The following RAB3C variants were observed in gnomAD, a reference collection of about 807,000 sequenced individuals.
The protein encoded by RAB3C is ras-related protein Rab-3C.
In RAB3C, 17 loss-of-function variants were observed where a neutral mutation model predicts 26.4. The observed-to-expected ratio is 0.64, with a 90% confidence interval of 0.44 to 0.97. The LOEUF (loss-of-function observed/expected upper bound fraction) is 0.97, where lower values mean the gene tolerates loss of function less well. RAB3C is among the 50% of genes least tolerant of loss of function. RAB3C has a pLI of 0.00. For missense variants in RAB3C, 242 were observed against 281.9 expected (o/e 0.86, Z 1.01); for synonymous variants, 91 against 95.9 (o/e 0.95, Z 0.30).
chr5:58,820,200 C>G (rs1233021234), intron 3 of RAB3C, among the ~76,000 whole-genome samples: 3 of 147,068 alleles, frequency 2.0e-5, no homozygotes, highest in Non-Finnish European at 4.5e-5. Context: ...ATGCACTAAG[C>G]ACTGAAACTT....
At position 58,713,307 on chromosome 5, in the gene RAB3C, T is replaced by A. The variant is rs569595702; in HGVS notation, c.253-12695T>A. On this transcript the variant is annotated intron_variant, in intron 2 of 4. Transcript: ENST00000282878. Reference sequence around the variant, plus strand: ...AGCAATGCAGGAACCATTTTTACCATCTTTTGAAATTTTTCAAAACAAATT... The same window carrying A: ...AGCAATGCAGGAACCATTTTTACCAACTTTTGAAATTTTTCAAAACAAATT... 6.2e-4 allele frequency among the ~76,000 whole-genome samples: 95 copies of A among 152,308 alleles called. 1 individual carries two copies. The highest frequency in any genetic ancestry group is 2.2e-3 in the African/African-American group (92 of 41,574).
At chr5:58,696,401 C>T (rs114663664) in intron 2 of RAB3C, among the ~76,000 whole-genome samples, 2,329 of 152,202 alleles carry the variant, frequency 0.015, 55 homozygotes, top group African/African-American at 0.053. Flanking sequence ...TGTTGTATCT[C>T]TGCCAGACCT....
intron 3 of RAB3C, among the ~76,000 whole-genome samples, chr5:58,733,654 G>C (rs142222227): frequency 1.1e-3 from 160 of 152,296 alleles, no homozygotes; most frequent in African/African-American, 3.6e-3. Flanking sequence ...ATTTGTTAAA[G>C]AGATAGGTCC....
intron 2 of RAB3C, among the ~76,000 whole-genome samples, chr5:58,680,013 A>G (rs973445880): frequency 3.9e-5 from 6 of 152,298 alleles, no homozygotes; most frequent in African/African-American, 1.2e-4. Context: ...CCATCTGTAT[A>G]TTTTAAATGA....
At chr5:58,754,560 C>T (rs1465198952) in intron 3 of RAB3C, among the ~76,000 whole-genome samples, 1 of 152,104 alleles carries the variant, frequency 6.6e-6, no homozygotes, top group East Asian at 1.9e-4. Context: ...AGGCAACATC[C>T]ACTCCCCAAC....
intron 2 of RAB3C, among the ~76,000 whole-genome samples, chr5:58,710,839 C>T (rs1749043503): frequency 6.6e-6 from 1 of 152,098 alleles, no homozygotes; most frequent in South Asian, 2.1e-4. Context: ...TCTCTAGCAT[C>T]TGATTTCTAC....
intron 2 of RAB3C, 145 bp downstream of exon 2, chr5:58,618,015 C>G: frequency 1.6e-6 from 1 of 611,558 alleles, no homozygotes; most frequent in South Asian, 2.1e-5. Flanking sequence ...CATTCTGTTT[C>G]AAAGAAAGTA....
At chr5:58,812,559 G>C (rs985869841) in intron 3 of RAB3C, among the ~76,000 whole-genome samples, 2 of 152,194 alleles carry the variant, frequency 1.3e-5, no homozygotes, top group African/African-American at 4.8e-5. Flanking sequence ...CAAGGTCTTG[G>C]TGTGGCCCAG....
At chr5:58,757,883 T>C (rs1741707887) in intron 3 of RAB3C, among the ~76,000 whole-genome samples, 1 of 152,076 alleles carries the variant, frequency 6.6e-6, no homozygotes, top group Admixed American at 6.6e-5. Flanking sequence ...GCTCTCAGAA[T>C]TCTACTTCAA....
chr5:58,681,324 A>G (rs561469926), intron 2 of RAB3C, among the ~76,000 whole-genome samples: 12 of 152,210 alleles, frequency 7.9e-5, no homozygotes, highest in East Asian at 3.8e-4. Flanking sequence ...GATATTGCCA[A>G]TGTGAAGATC....
chr5:58,846,159 A>C (rs1743996797), intron 4 of RAB3C, among the ~76,000 whole-genome samples: 1 of 152,144 alleles, frequency 6.6e-6, no homozygotes, highest in South Asian at 2.1e-4. Context: ...GTTTATGTAT[A>C]ACACATTTTG....
At chr5:58,627,471 T>TAAAAAAAAAA (rs58104232) in intron 2 of RAB3C, among the ~76,000 whole-genome samples, 2 of 68,422 alleles carry the variant, frequency 2.9e-5, no homozygotes, top group African/African-American at 4.8e-5. Flanking sequence ...GACTCCGTCT[T>TAAAAAAAAAA]AAAAAAAAAA....
intron 2 of RAB3C, among the ~76,000 whole-genome samples, chr5:58,658,910 A>C (rs1747839227): frequency 1.3e-5 from 2 of 152,200 alleles, no homozygotes; most frequent in African/African-American, 4.8e-5. Flanking sequence ...TAGACTCAGA[A>C]CTGGAACATT....
chr5:58,675,363 A>G (rs1321891251), intron 2 of RAB3C, among the ~76,000 whole-genome samples: 1 of 151,992 alleles, frequency 6.6e-6, no homozygotes, highest in Non-Finnish European at 1.5e-5. Flanking sequence ...CTTAACTCCT[A>G]TGTCTGCAAG....
At chr5:58,671,127 C>T (rs185583656) in intron 2 of RAB3C, among the ~76,000 whole-genome samples, 1 of 152,246 alleles carries the variant, frequency 6.6e-6, no homozygotes. Context: ...ATCATCATGG[C>T]TGATGATTGA....
intron 2 of RAB3C, among the ~76,000 whole-genome samples, chr5:58,677,239 C>T (rs1156537337): frequency 6.6e-6 from 1 of 152,176 alleles, no homozygotes; most frequent in Non-Finnish European, 1.5e-5. Flanking sequence ...TCTAACTTAA[C>T]AAATTATATT....
At chr5:58,657,343 C>T (rs1283518025) in intron 2 of RAB3C, among the ~76,000 whole-genome samples, 1 of 151,058 alleles carries the variant, frequency 6.6e-6, no homozygotes, top group African/African-American at 2.4e-5. Flanking sequence ...CACTAAAGAA[C>T]TTACTTATGT....
intron 2 of RAB3C, among the ~76,000 whole-genome samples, chr5:58,701,145 G>A (rs1833613): frequency 5.9e-5 from 9 of 151,540 alleles, no homozygotes; most frequent in African/African-American, 2.2e-4. Context: ...GCAGGCACCC[G>A]CCACCATGCC....
At chr5:58,689,778 C>T (rs1226374202) in intron 2 of RAB3C, among the ~76,000 whole-genome samples, 1 of 152,136 alleles carries the variant, frequency 6.6e-6, no homozygotes, top group Non-Finnish European at 1.5e-5. Context: ...TGACAGCCTC[C>T]TCAACTTCTC....
Sources: allele counts gnomAD v4.1 joint callset (sites outside exome capture counted in the v4.1 genomes callset), GRCh38; gene constraint gnomAD v4.1.1; transcripts MANE v1.5; gene names NCBI Gene and HGNC (gene_info 2026-07-23, HGNC 2026-07-21).